The following CCSER1 variants were observed in gnomAD, a reference collection of about 807,000 sequenced individuals.
CCSER1 encodes serine-rich coiled-coil domain-containing protein 1.
Under a neutral mutation model 82.0 loss-of-function variants are expected in CCSER1, and 41 were observed. That is an observed-to-expected ratio of 0.50 (90% CI 0.39 to 0.65). The LOEUF (loss-of-function observed/expected upper bound fraction) is 0.65. CCSER1 is among the 30% of genes least tolerant of loss of function. CCSER1 has a pLI of 0.00. For missense variants in CCSER1, 1,119 were observed against 1,064.2 expected (o/e 1.05, Z -0.72); for synonymous variants, 414 against 383.9 (o/e 1.08, Z -0.92).
chr4:90,303,771 C>A (rs549194662), intron 1 of CCSER1, among the ~76,000 whole-genome samples: 1 of 152,126 alleles, frequency 6.6e-6, no homozygotes, highest in African/African-American at 2.4e-5. Flanking sequence ...ACACCAAAAA[C>A]AATGGCAACA....
chr4:90,701,302 G>GGC (rs1738067532), intron 6 of CCSER1, among the ~76,000 whole-genome samples: 1 of 152,022 alleles, frequency 6.6e-6, no homozygotes, highest in Non-Finnish European at 1.5e-5. Flanking sequence ...GTAGATGTGT[G>GGC]GTATTATTTC....
intron 9 of CCSER1, among the ~76,000 whole-genome samples, chr4:90,979,718 A>G (rs550353968): frequency 1.9e-3 from 286 of 151,954 alleles, no homozygotes; most frequent in Non-Finnish European, 2.9e-3. Context: ...TGTGGAAGGC[A>G]TGGCCATTGG....
At chr4:91,584,062 A>T (rs1763866998) in intron 10 of CCSER1, among the ~76,000 whole-genome samples, 1 of 151,498 alleles carries the variant, frequency 6.6e-6, no homozygotes, top group Admixed American at 6.6e-5. Context: ...AATTAAAATT[A>T]TTTTTAAAAA....
intron 10 of CCSER1, among the ~76,000 whole-genome samples, chr4:91,149,414 C>G (rs1729898950): frequency 6.6e-6 from 1 of 152,168 alleles, no homozygotes. Context: ...AAAATTTTCT[C>G]CCATTCTGTA....
rs761465755 is a variant in CCSER1 at position 90,839,077 on chromosome 4, G to A, written c.2094+23232G>A. 5.7e-6 allele frequency: 9 copies of A among 1,568,884 alleles called. No homozygotes were observed. The South Asian group carries it at 7.8e-5, about 14-fold the overall frequency. On this transcript the variant is annotated intron_variant, in intron 8 of 10. Coordinates refer to ENST00000509176, the MANE Select transcript of CCSER1 (RefSeq NM_001145065.2). ...AGCGGAGCGAGGCGCGCGAGTACGA[G>A]CGAAGTCTGGTCTGCGCAGTGGCCA...
intron 8 of CCSER1, among the ~76,000 whole-genome samples, chr4:90,916,970 A>G (rs1393714613): frequency 6.6e-6 from 1 of 152,224 alleles, no homozygotes; most frequent in African/African-American, 2.4e-5. Context: ...ATGAGATACC[A>G]TCTCACACCA....
chr4:90,670,395 C>T (rs1452741472), intron 6 of CCSER1, among the ~76,000 whole-genome samples: 2 of 152,058 alleles, frequency 1.3e-5, no homozygotes, highest in African/African-American at 4.8e-5. Flanking sequence ...GTGGTTTTCA[C>T]TGCAGTCTAG....
intron 9 of CCSER1, among the ~76,000 whole-genome samples, chr4:91,005,907 T>C (rs1422762889): frequency 6.6e-6 from 1 of 152,248 alleles, no homozygotes; most frequent in African/African-American, 2.4e-5. Flanking sequence ...TTCTGAGCTC[T>C]CTATTCTGTT....
chr4:90,579,473 C>T (rs745722497), intron 5 of CCSER1, among the ~76,000 whole-genome samples: 6 of 152,160 alleles, frequency 3.9e-5, no homozygotes, highest in Non-Finnish European at 8.8e-5. Flanking sequence ...TTCTTGATCT[C>T]ATTAATGGCC....
In CCSER1 at chr4:90,668,501, G is replaced by A. The variant is rs192183117; in HGVS notation, c.1932+40269G>A. On this transcript the variant is annotated intron_variant, in intron 6 of 10. Coordinates refer to ENST00000509176, the MANE Select transcript of CCSER1 (RefSeq NM_001145065.2). ...CATTTTTATGCTATGTGAATTGAATGTCATAAAATTCATTTATTATGAACA... is the reference window on the plus strand; with the variant it reads ...CATTTTTATGCTATGTGAATTGAATATCATAAAATTCATTTATTATGAACA... 2.8e-4 allele frequency among the ~76,000 whole-genome samples: 42 copies of A among 152,186 alleles called. No homozygotes were observed. The Middle Eastern group carries it at 0.01, about 37-fold the overall frequency.
intron 6 of CCSER1, among the ~76,000 whole-genome samples, chr4:90,685,372 A>G (rs1004599152): frequency 6.6e-6 from 1 of 152,172 alleles, no homozygotes; most frequent in African/African-American, 2.4e-5. Context: ...TAGATTTTTC[A>G]GAATTATCCA....
chr4:90,903,767 G>A (rs75358843), intron 8 of CCSER1, among the ~76,000 whole-genome samples: 3,082 of 151,502 alleles, frequency 0.02, 110 homozygotes, highest in African/African-American at 0.07. Context: ...GAACCCAGGG[G>A]TGGAGGTTTC....
intron 9 of CCSER1, among the ~76,000 whole-genome samples, chr4:90,986,256 G>A (rs1036237217): frequency 6.6e-6 from 1 of 151,560 alleles, no homozygotes; most frequent in Non-Finnish European, 1.5e-5. Flanking sequence ...AACTTATACT[G>A]GAAGAAAACT....
chr4:91,353,864 C>T (rs1470549187), intron 10 of CCSER1, among the ~76,000 whole-genome samples: 1 of 152,092 alleles, frequency 6.6e-6, no homozygotes, highest in African/African-American at 2.4e-5. Context: ...AACCAATTTC[C>T]AAACATGGCT....
At chr4:90,628,940 G>A (rs1452373536) in intron 6 of CCSER1, among the ~76,000 whole-genome samples, 1 of 152,154 alleles carries the variant, frequency 6.6e-6, no homozygotes, top group African/African-American at 2.4e-5. Context: ...CATGTGAAGT[G>A]AGAGTTAGAA....
chr4:90,215,450 T>C (rs1370947607), intron 1 of CCSER1, among the ~76,000 whole-genome samples: 1 of 152,164 alleles, frequency 6.6e-6, no homozygotes, highest in Non-Finnish European at 1.5e-5. Flanking sequence ...CTTTCGACCT[T>C]TAGTATAGTA....
intron 10 of CCSER1, among the ~76,000 whole-genome samples, chr4:91,509,047 C>T (rs142534059): frequency 2.2e-3 from 340 of 151,892 alleles, no homozygotes; most frequent in African/African-American, 7.8e-3. Context: ...AAACAAATTT[C>T]GGATTTGCTT....
intron 10 of CCSER1, among the ~76,000 whole-genome samples, chr4:91,483,273 A>G (rs1758045107): frequency 1.3e-5 from 2 of 152,144 alleles, no homozygotes; most frequent in African/African-American, 2.4e-5. Context: ...CCAAAAGGGT[A>G]AGAATTTGAT....
At chr4:90,660,661 TTTA>T (rs34405807) in intron 6 of CCSER1, among the ~76,000 whole-genome samples, 77,668 of 151,622 alleles carry the variant, frequency 0.51, 20,090 homozygotes, top group Middle Eastern at 0.67. Flanking sequence ...ATTTGCAGGA[TTTA>T]TGATAAGAAA....
Sources: gnomAD v4.1 joint callset for allele counts (sites outside exome capture counted in the v4.1 genomes callset) on GRCh38, gnomAD v4.1.1 for gene constraint, MANE v1.5 for transcripts, NCBI Gene and HGNC (gene_info 2026-07-23, HGNC 2026-07-21) for gene names.